Variants in NCOA2 observed in about 807,000 individuals in gnomAD.
NCOA2 encodes the protein class E basic helix-loop-helix protein 75.
Under a neutral mutation model 145.1 loss-of-function variants are expected in NCOA2, and 21 were observed. The ratio of observed to expected loss-of-function variants is 0.14; its 90% CI spans 0.10 to 0.21. The LOEUF is 0.21. Among genes scored for constraint, NCOA2 ranks in the 10% least tolerant of loss-of-function variants. The pLI is 1.00. For synonymous variants in NCOA2, 619 were observed against 637.5 expected, an observed-to-expected ratio of 0.97 and a Z score of 0.44; for missense variants, 1,472 against 1,837.6, an observed-to-expected ratio of 0.80 and a Z score of 3.64.
intron 2 of NCOA2, among the ~76,000 whole-genome samples, chr8:70,232,618 C>G (rs975777114): frequency 6.6e-6 from 1 of 152,140 alleles, no homozygotes; most frequent in Non-Finnish European, 1.5e-5. Flanking sequence ...ACACTAACTA[C>G]TCCAACCCCA....
chr8:70,263,051 T>C (rs546794533), intron 2 of NCOA2, among the ~76,000 whole-genome samples: 1 of 151,596 alleles, frequency 6.6e-6, no homozygotes, highest in African/African-American at 2.4e-5. Flanking sequence ...CTTTTTCACT[T>C]AAAGGAAGCA....
chr8:70,146,547 G>A lies in NCOA2; in HGVS notation c.2606-1699C>T, dbSNP rs11994298. ...AGGGCTGAGAATGGAAATTATGTGCGTGCTTAATCATGACTTCCTCAGGTT... is the reference window on the plus strand; with the variant it reads ...AGGGCTGAGAATGGAAATTATGTGCATGCTTAATCATGACTTCCTCAGGTT... On this transcript the variant is annotated intron_variant, in intron 12 of 22. Transcript: ENST00000452400. 9.4e-3 allele frequency among the ~76,000 whole-genome samples: 1,427 copies of A among 152,262 alleles called. 22 individuals carry two copies. Among genetic ancestry groups the A allele is most frequent in the African/African-American group, 0.032 (1,324 of 41,548 alleles).
At chr8:70,325,308 T>C (rs187529333) in intron 1 of NCOA2, among the ~76,000 whole-genome samples, 3 of 152,346 alleles carry the variant, frequency 2.0e-5, no homozygotes, top group East Asian at 1.9e-4. Flanking sequence ...TTCAGAAAAG[T>C]AGTAACAATT....
At position 70,189,633 on chromosome 8, in the gene NCOA2, A is replaced by T. The variant is rs575181570; in HGVS notation, c.260-14774T>A. ...TTTCATTTGTAATTTTGTTTTAGAG[A>T]AGTAGTAGTTTATGTTTTCTTTTTT... On this transcript the variant is annotated intron_variant, in intron 4 of 22. Transcript: ENST00000452400. Among the ~76,000 whole-genome samples, 7 of 152,272 alleles carry T rather than the reference A, an allele frequency of 4.6e-5. No homozygotes were observed. In the South Asian group the frequency reaches 1.5e-3, roughly 32 times the overall value.
chr8:70,378,894 A>C (rs551666713), intron 1 of NCOA2, among the ~76,000 whole-genome samples: 2 of 152,238 alleles, frequency 1.3e-5, no homozygotes, highest in Admixed American at 1.3e-4. Flanking sequence ...TTTAATCCTC[A>C]CAGCAACAGA....
chr8:70,323,817 A>C (rs1806307912), intron 1 of NCOA2, among the ~76,000 whole-genome samples: 1 of 152,202 alleles, frequency 6.6e-6, no homozygotes, highest in Non-Finnish European at 1.5e-5. Flanking sequence ...ATGAACTCCC[A>C]AAAAGATCCA....
At chr8:70,314,960 G>A (rs186728452) in intron 1 of NCOA2, among the ~76,000 whole-genome samples, 4 of 152,260 alleles carry the variant, frequency 2.6e-5, no homozygotes, top group Admixed American at 2.6e-4. Flanking sequence ...CTACATATCT[G>A]AGCCTTTTCA....
the NCOA2 span, among the ~76,000 whole-genome samples, chr8:70,410,601 C>T: frequency 6.6e-6 from 1 of 152,194 alleles, no homozygotes; most frequent in South Asian, 2.1e-4. Flanking sequence ...TCCCAAAGTG[C>T]TTGGAACACA....
chr8:70,182,663 A>G (rs769705108), intron 4 of NCOA2, among the ~76,000 whole-genome samples: 6 of 152,202 alleles, frequency 3.9e-5, no homozygotes, highest in Non-Finnish European at 8.8e-5. Context: ...CCCACTTCAT[A>G]TAGTACCTAT....
At chr8:70,394,586 T>TA (rs1813492336) in intron 1 of NCOA2, among the ~76,000 whole-genome samples, 1 of 152,236 alleles carries the variant, frequency 6.6e-6, no homozygotes, top group African/African-American at 2.4e-5. Context: ...AAAATAGAAT[T>TA]ACGGAAGTTG....
chr8:70,258,094 T>A (rs1245170674), intron 2 of NCOA2, among the ~76,000 whole-genome samples: 1 of 152,098 alleles, frequency 6.6e-6, no homozygotes, highest in African/African-American at 2.4e-5. Flanking sequence ...TTTTTATATT[T>A]TTTGTACAGA....
intron 4 of NCOA2, among the ~76,000 whole-genome samples, chr8:70,191,843 C>A (rs927452141): frequency 7.2e-5 from 11 of 152,114 alleles, no homozygotes; most frequent in African/African-American, 2.7e-4. Context: ...GAGTTTGAGA[C>A]CAGCCTGGCC....
At chr8:70,255,488 GTTTA>G (rs1347732123) in intron 2 of NCOA2, among the ~76,000 whole-genome samples, 2 of 152,090 alleles carry the variant, frequency 1.3e-5, no homozygotes, top group Non-Finnish European at 2.9e-5. Flanking sequence ...ATAATTCCCA[GTTTA>G]TTTATATTTT....
chr8:70,168,476 G>A (rs1435386418), intron 6 of NCOA2, among the ~76,000 whole-genome samples: 2 of 152,118 alleles, frequency 1.3e-5, no homozygotes, highest in Admixed American at 6.5e-5. Context: ...GAGCCACCAT[G>A]CCTGGCTAAT....
At chr8:70,408,120 T>C (rs141206538), upstream of NCOA2, among the ~76,000 whole-genome samples, 7 of 152,320 alleles carry the variant, frequency 4.6e-5, no homozygotes, top group Admixed American at 1.3e-4. Flanking sequence ...CTGAGTGAGA[T>C]TGACATGAGT....
At position 70,126,828 on chromosome 8, in the gene NCOA2, A is replaced by C. The variant is rs753039988; in HGVS notation, c.3901T>G (p.Phe1301Val). Residue 1301 changes from phenylalanine (F) to valine (V), a missense_variant, in exon 19 of 23, where the codon TTT (phenylalanine) becomes GTT (valine). Coordinates refer to ENST00000452400, the MANE Select transcript of NCOA2 (RefSeq NM_006540.4). ...IPQANAQQFP[F>V]PPNYGISQQP... ...AGTCCAGTACCGTAGTTTGGAGGAA[A>C]TGGAAACTGCTGTGCATTTGCCTGG... The C allele has an allele frequency of 2.6e-5, 42 of 1,613,782 alleles. No homozygotes were observed. The highest frequency in any genetic ancestry group is 3.0e-5 in the Non-Finnish European group (35 of 1,179,836).
At chr8:70,167,370 C>T (rs990162462) in intron 6 of NCOA2, among the ~76,000 whole-genome samples, 15 of 152,166 alleles carry the variant, frequency 9.9e-5, no homozygotes, top group African/African-American at 3.4e-4. Context: ...CTCCACCATA[C>T]CGGGCCCGCA....
intron 1 of NCOA2, among the ~76,000 whole-genome samples, chr8:70,329,649 T>C (rs534312214): frequency 7.6e-4 from 116 of 152,088 alleles, no homozygotes; most frequent in East Asian, 1.4e-3. Context: ...AACACCAAAA[T>C]AGAAAGTGAC....
intron 4 of NCOA2, among the ~76,000 whole-genome samples, chr8:70,208,446 C>A (rs1382481987): frequency 6.6e-6 from 1 of 152,172 alleles, no homozygotes; most frequent in Non-Finnish European, 1.5e-5. Flanking sequence ...TGGCTAAGAT[C>A]ATTAATGAAG....
Sources: allele counts gnomAD v4.1 joint callset (sites outside exome capture counted in the v4.1 genomes callset), GRCh38; gene constraint gnomAD v4.1.1; transcripts MANE v1.5; gene names NCBI Gene and HGNC (gene_info 2026-07-23, HGNC 2026-07-21).